The following KCNC4 variants were observed in gnomAD, a reference collection of about 807,000 sequenced individuals.
The protein encoded by KCNC4 is potassium voltage-gated channel subfamily C member 4.
In KCNC4, 23 loss-of-function variants were observed where a neutral mutation model predicts 42.8. The ratio of observed to expected loss-of-function variants is 0.54; its 90% CI spans 0.39 to 0.76. The LOEUF (loss-of-function observed/expected upper bound fraction) is 0.76, where lower values mean the gene tolerates loss of function less well. Among genes scored for constraint, KCNC4 ranks in the 30% least tolerant of loss-of-function variants. KCNC4 has a pLI of 0.00. For synonymous variants in KCNC4, 422 were observed against 393.5 expected, an observed-to-expected ratio of 1.07 and a Z score of -0.86; for missense variants, 751 against 898.2, an observed-to-expected ratio of 0.84 and a Z score of 2.10.
chr1:110,234,919 G>A (rs1658870263), downstream of KCNC4: 1 of 152,286 alleles, frequency 6.6e-6, no homozygotes, highest in South Asian at 2.1e-4. Context: ...TGGTTTCCCT[G>A]TTTGTTAGGG....
chr1:110,219,082 C>T (rs1462079194), intron 1 of KCNC4, among the ~76,000 whole-genome samples: 1 of 152,200 alleles, frequency 6.6e-6, no homozygotes, highest in Non-Finnish European at 1.5e-5. Flanking sequence ...CAGCTTCAGC[C>T]ATGAAAATCA....
intron 1 of KCNC4, among the ~76,000 whole-genome samples, chr1:110,269,386 T>G (rs1436852723): frequency 6.6e-6 from 1 of 152,180 alleles, no homozygotes; most frequent in Non-Finnish European, 1.5e-5. Flanking sequence ...GGTTTTATTT[T>G]TCTCCCCTCT....
In KCNC4 at chr1:110,223,401, C is replaced by T. The variant is rs1658217102; in HGVS notation, c.1116C>T (p.His372=). 3 of 1,613,984 alleles carry T rather than the reference C, an allele frequency of 1.9e-6. No individual in the cohort carries two copies. The highest frequency in any genetic ancestry group is 2.2e-5 in the East Asian group (1 of 44,880). ...RHFVGLRVLG[H]TLRASTNEFL... ...TCGTGGGGCTACGCGTGCTGGGCCA[C>T]ACCCTGAGGGCCAGCACCAATGAGT... is the stretch of plus-strand genomic sequence containing the variant. Residue 372 remains histidine (H), a synonymous_variant, in exon 2 of 4, where the codon CAC becomes CAT. Coordinates refer to ENST00000438661, the MANE Select transcript of KCNC4 (RefSeq NM_001039574.3). This position sits in a 1 kb window ranked among gnomAD's most constrained non-coding sequence, Gnocchi z 7.5.
At chr1:110,260,912 G>A (rs1308571957) in intron 1 of KCNC4, among the ~76,000 whole-genome samples, 1 of 152,182 alleles carries the variant, frequency 6.6e-6, no homozygotes, top group Non-Finnish European at 1.5e-5. Flanking sequence ...CCTGGGTGAC[G>A]CAGCGAGACT....
downstream of KCNC4, chr1:110,235,539 C>A (rs565022394): frequency 6.6e-6 from 1 of 152,118 alleles, no homozygotes; most frequent in Non-Finnish European, 1.5e-5. Context: ...GTACTAGATG[C>A]CAGAGTGGTC....
At chr1:110,218,903 G>C (rs1310738122) in intron 1 of KCNC4, among the ~76,000 whole-genome samples, 1 of 152,164 alleles carries the variant, frequency 6.6e-6, no homozygotes, top group Non-Finnish European at 1.5e-5. Context: ...GAGGAGAGGC[G>C]CTCTCCTGCT....
chr1:110,216,152 C>G (rs958136116), intron 1 of KCNC4, among the ~76,000 whole-genome samples: 1 of 152,242 alleles, frequency 6.6e-6, no homozygotes, highest in African/African-American at 2.4e-5. Flanking sequence ...TGCATTCCTG[C>G]CTGCCCGCTT....
intron 1 of KCNC4, among the ~76,000 whole-genome samples, chr1:110,266,598 T>C (rs1020273088): frequency 1.7e-4 from 26 of 152,162 alleles, no homozygotes; most frequent in African/African-American, 5.8e-4. Context: ...TGAGGAAAGG[T>C]AAAACGACTT....
chr1:110,212,706 C>T lies in KCNC4; in HGVS notation c.678+529C>T, dbSNP rs575251224. ...TGCACTTCAGAGAGGAGGATATAGG[C>T]TTCAGCATCTTAAGCTCAGAAGAGG... On this transcript the variant is annotated intron_variant, in intron 1 of 3. Transcript: ENST00000438661. Among the ~76,000 whole-genome samples, 5 of 152,330 alleles carry T rather than the reference C, an allele frequency of 3.3e-5. No individual in the cohort carries two copies. In the East Asian group the frequency reaches 7.7e-4, roughly 23 times the overall value.
Position 110,213,088 on chromosome 1 carries a change from C to T in KCNC4, c.678+911C>T, listed in dbSNP as rs551249038. ...TTTAGGCAAGACCTACCGCCTCCTC[C>T]CCAAGTAAATCCAGTTTCCCTAACT... On this transcript the variant is annotated intron_variant, in intron 1 of 3. Transcript: ENST00000438661. Among the ~76,000 whole-genome samples, 3 of 145,538 alleles carry T rather than the reference C, an allele frequency of 2.1e-5. No individual in the cohort carries two copies. The East Asian group carries it at 6.0e-4, about 29-fold the overall frequency.
At chr1:110,221,889 A>C (rs548404064) in intron 1 of KCNC4, 2 of 152,214 alleles carry the variant, frequency 1.3e-5, no homozygotes, top group African/African-American at 4.8e-5. Flanking sequence ...CGGCATGAAT[A>C]ACACATGAAG....
chr1:110,269,992 C>G (rs1427764420), intron 1 of KCNC4, among the ~76,000 whole-genome samples: 2 of 152,166 alleles, frequency 1.3e-5, no homozygotes, highest in Non-Finnish European at 2.9e-5. Context: ...TCTATATTGC[C>G]TACACAGAAT....
At chr1:110,268,787 G>A (rs1014013438) in intron 1 of KCNC4, among the ~76,000 whole-genome samples, 20 of 148,730 alleles carry the variant, frequency 1.3e-4, no homozygotes, top group African/African-American at 4.9e-4. Context: ...GAGTGCAGTG[G>A]CGCGATCTCG....
exon 4 of KCNC4, chr1:110,240,402 ACT>A (rs1472199619): frequency 6.6e-6 from 1 of 151,574 alleles, no homozygotes; most frequent in Non-Finnish European, 1.5e-5. Context: ...ATCCCTAGAG[ACT>A]CCCCTCAGCT....
At chr1:110,251,963 G>A (rs910406501), downstream of KCNC4, among the ~76,000 whole-genome samples, 7 of 152,180 alleles carry the variant, frequency 4.6e-5, no homozygotes, top group African/African-American at 1.7e-4. Flanking sequence ...ACATTAGGGG[G>A]ACTTTGAGAG....
At chr1:110,269,404 C>A (rs1433319068) in intron 1 of KCNC4, among the ~76,000 whole-genome samples, 1 of 152,146 alleles carries the variant, frequency 6.6e-6, no homozygotes, top group Admixed American at 6.5e-5. Context: ...TCTGGTTTCG[C>A]CTTTCCCAGA....
intron 3 of KCNC4, chr1:110,229,261 CTATGGGCAGTGCT>C (rs1416419031): frequency 6.6e-6 from 1 of 152,288 alleles, no homozygotes. Context: ...AGAGCAGTGC[CTATGGGCAGTGCT>C]GCCCTGGGAG....
Position 110,223,632 on chromosome 1 carries a change from C to A in KCNC4, c.1347C>A (p.Gly449=). ...ACATGTACCCCAAGACGTGGTCAGG[C>A]ATGCTGGTAGGGGCACTGTGTGCAC... is the stretch of plus-strand genomic sequence containing the variant. ...YGDMYPKTWS[G]MLVGALCALA... is the part of the protein sequence containing the mutation. The change falls in exon 2 of 4, where the codon GGC becomes GGA. Residue 449 remains glycine (G), a synonymous_variant. Coordinates refer to ENST00000438661, the MANE Select transcript of KCNC4 (RefSeq NM_001039574.3). The surrounding 1 kb of genome is among the most constrained non-coding windows in gnomAD (Gnocchi z 7.5). 6.2e-7 allele frequency: 1 copy of A among 1,614,130 alleles called. No individual in the cohort carries two copies. Among genetic ancestry groups the A allele is most frequent in the Non-Finnish European group, 8.5e-7 (1 of 1,180,038 alleles).
At chr1:110,281,892 A>T (rs1221062004) in intron 1 of KCNC4, among the ~76,000 whole-genome samples, 1 of 152,058 alleles carries the variant, frequency 6.6e-6, no homozygotes, top group Non-Finnish European at 1.5e-5. Context: ...CTGTCCCTAG[A>T]CCTGAAGACT....
Sources: allele counts gnomAD v4.1 joint callset (sites outside exome capture counted in the v4.1 genomes callset), GRCh38; gene constraint gnomAD v4.1.1; non-coding constraint Gnocchi (gnomAD v3.1); transcripts MANE v1.5; gene names NCBI Gene and HGNC (gene_info 2026-07-23, HGNC 2026-07-21).